Variants in CHSY1 observed in about 807,000 individuals in gnomAD.
CHSY1 encodes chondroitin sulfate synthase 1, also known as N-acetylgalactosaminyl-proteoglycan 3-beta-glucuronosyltransferase 1.
In CHSY1, 13 loss-of-function variants were observed where a neutral mutation model predicts 59.8. The observed-to-expected ratio is 0.22, with a 90% CI of 0.14 to 0.35. The LOEUF (loss-of-function observed/expected upper bound fraction) is 0.35. Among genes scored for constraint, CHSY1 ranks in the 10% least tolerant of loss-of-function variants. The probability of loss-of-function intolerance (pLI) is 1.00; values close to 1 mark genes in which losing one functional copy is unlikely to be tolerated. For synonymous variants in CHSY1, 459 were observed against 401.2 expected, an observed-to-expected ratio of 1.14 and a Z score of -1.72; for missense variants, 947 against 1,030.6, an observed-to-expected ratio of 0.92 and a Z score of 1.11.
intron 2 of CHSY1, chr15:101,188,291 G>A (rs747679748): frequency 4.6e-6 from 3 of 646,664 alleles, no homozygotes; most frequent in Non-Finnish European, 3.8e-6. Flanking sequence ...AGCCAGTCAC[G>A]AGTTTTAAAC....
At chr15:101,229,920 A>G (rs1403424986) in intron 2 of CHSY1, among the ~76,000 whole-genome samples, 1 of 151,090 alleles carries the variant, frequency 6.6e-6, no homozygotes, top group Non-Finnish European at 1.5e-5. Context: ...AATAATAATG[A>G]TGATATTAGA....
chr15:101,191,112 G>C (rs1423745709), intron 2 of CHSY1, among the ~76,000 whole-genome samples: 1 of 152,204 alleles, frequency 6.6e-6, no homozygotes, highest in Non-Finnish European at 1.5e-5. Flanking sequence ...ACAAAAATCT[G>C]CATATGGGCG....
At chr15:101,191,342 C>G (rs2038442350) in intron 2 of CHSY1, among the ~76,000 whole-genome samples, 1 of 152,158 alleles carries the variant, frequency 6.6e-6, no homozygotes, top group African/African-American at 2.4e-5. Flanking sequence ...ACGATTCCAA[C>G]TATATAACAC....
At chr15:101,242,371 C>T (rs1169383083) in intron 1 of CHSY1, among the ~76,000 whole-genome samples, 1 of 152,258 alleles carries the variant, frequency 6.6e-6, no homozygotes, top group Non-Finnish European at 1.5e-5. Context: ...CTGAGACCTA[C>T]CTGCCATCAC....
intron 2 of CHSY1, among the ~76,000 whole-genome samples, chr15:101,205,787 TA>T (rs2141256847): frequency 6.6e-6 from 1 of 152,154 alleles, no homozygotes; most frequent in African/African-American, 2.4e-5. Flanking sequence ...CCGTCTCTAC[TA>T]AAAATACAAA....
At chr15:101,202,608 C>T (rs1199062442) in intron 2 of CHSY1, among the ~76,000 whole-genome samples, 2 of 149,856 alleles carry the variant, frequency 1.3e-5, no homozygotes, top group Non-Finnish European at 3.0e-5. Context: ...GCAGGAGGGG[C>T]AGTGGGATCT....
At chr15:101,198,787 C>T (rs1281533363) in intron 2 of CHSY1, among the ~76,000 whole-genome samples, 1 of 152,236 alleles carries the variant, frequency 6.6e-6, no homozygotes, top group Non-Finnish European at 1.5e-5. Flanking sequence ...CACAGTTACA[C>T]TCACTTTTGT....
chr15:101,198,559 A>G (rs1567092986), intron 2 of CHSY1, among the ~76,000 whole-genome samples: 1 of 152,252 alleles, frequency 6.6e-6, no homozygotes, highest in Non-Finnish European at 1.5e-5. Flanking sequence ...GGCATTTTAC[A>G]GATTATCTCA....
At chr15:101,214,320 C>T (rs2038710821) in intron 2 of CHSY1, among the ~76,000 whole-genome samples, 1 of 152,220 alleles carries the variant, frequency 6.6e-6, no homozygotes, top group Non-Finnish European at 1.5e-5. Flanking sequence ...ACCTACTTAC[C>T]AGGGCCTGTG....
Position 101,251,448 on chromosome 15 carries a change from C to A in CHSY1, c.9G>T (p.Ala3=), listed in dbSNP as rs1263567242. The part of the protein sequence containing the change: MA[A]RGRRAWLSVL... ...CGCTGAGCCAGGCGCGCCGGCCGCG[C>A]GCGGCCATGCCCGCGCCGCTCCGCC... The change falls in exon 1 of 3, where the codon GCG becomes GCT. Residue 3 remains alanine, a synonymous_variant. Coordinates refer to ENST00000254190, the MANE Select transcript of CHSY1 (RefSeq NM_014918.5). The A allele has an allele frequency of 9.7e-7, 1 of 1,027,276 alleles. No individual in the cohort carries two copies. Among genetic ancestry groups the A allele is most frequent in the Non-Finnish European group, 1.2e-6 (1 of 850,390 alleles). 63.6% of individuals were successfully genotyped at this position (1,027,276 alleles called of 1,614,324 possible). A position where few individuals can be genotyped will look rare whatever the true frequency, so the allele number is the denominator to read the frequency against.
chr15:101,189,867 A>C (rs1373611727), intron 2 of CHSY1, among the ~76,000 whole-genome samples: 2 of 152,256 alleles, frequency 1.3e-5, no homozygotes, highest in Non-Finnish European at 2.9e-5. Flanking sequence ...GGGACAGCAC[A>C]GTGGCGCTGT....
At chr15:101,224,624 C>G (rs2038821752) in intron 2 of CHSY1, among the ~76,000 whole-genome samples, 1 of 152,218 alleles carries the variant, frequency 6.6e-6, no homozygotes, top group South Asian at 2.1e-4. Context: ...CATCAGCAAG[C>G]ACCTCAAGGG....
intron 2 of CHSY1, among the ~76,000 whole-genome samples, chr15:101,208,956 T>G (rs1482487878): frequency 6.6e-6 from 1 of 152,226 alleles, no homozygotes; most frequent in Non-Finnish European, 1.5e-5. Flanking sequence ...AATCACCATT[T>G]AGCAACCATC....
At chr15:101,243,638 G>A (rs1182598671) in intron 1 of CHSY1, among the ~76,000 whole-genome samples, 8 of 152,178 alleles carry the variant, frequency 5.3e-5, no homozygotes, top group Non-Finnish European at 8.8e-5. Context: ...AACAGTCATC[G>A]TGGATAAGGA....
At chr15:101,181,365 T>C (rs1596422711) in intron 2 of CHSY1, among the ~76,000 whole-genome samples, 1 of 152,372 alleles carries the variant, frequency 6.6e-6, no homozygotes, top group South Asian at 2.1e-4. Flanking sequence ...TTCCATTTCA[T>C]CTGCTCATAA....
intron 2 of CHSY1, among the ~76,000 whole-genome samples, chr15:101,209,060 C>T (rs2038657141): frequency 6.6e-6 from 1 of 152,168 alleles, no homozygotes; most frequent in African/African-American, 2.4e-5. Flanking sequence ...ACAGTCTCTC[C>T]ACAATGACAC....
At chr15:101,231,497 G>T (rs746689243) in intron 2 of CHSY1, among the ~76,000 whole-genome samples, 1 of 152,188 alleles carries the variant, frequency 6.6e-6, no homozygotes, top group Non-Finnish European at 1.5e-5. Context: ...TTTGAGCCAC[G>T]TGACAGTATT....
intron 2 of CHSY1, among the ~76,000 whole-genome samples, chr15:101,205,933 A>C (rs28590465): frequency 0.37 from 56,445 of 151,460 alleles, 11,515 homozygotes; most frequent in African/African-American, 0.54. Flanking sequence ...GCCTGGGCGA[A>C]AGAGAGAGAC....
intron 2 of CHSY1, chr15:101,189,571 T>A: frequency 7.2e-6 from 4 of 553,508 alleles, no homozygotes; most frequent in Non-Finnish European, 6.9e-6. Context: ...GGCAACCAGT[T>A]CAAGTGAGAG....
Sources: gnomAD v4.1 joint callset for allele counts (sites outside exome capture counted in the v4.1 genomes callset) on GRCh38, gnomAD v4.1.1 for gene constraint, MANE v1.5 for transcripts, NCBI Gene and HGNC (gene_info 2026-07-23, HGNC 2026-07-21) for gene names.